SAMD3: variants seen among roughly 807,000 people sequenced by gnomAD.
SAMD3 encodes sterile alpha motif domain-containing protein 3.
SAMD3 carries 63 observed loss-of-function variants against 58.5 expected under a neutral mutation model. The observed-to-expected ratio is 1.08, with a 90% CI of 0.88 to 1.33. The LOEUF (loss-of-function observed/expected upper bound fraction) is 1.33, where lower values mean the gene tolerates loss of function less well. SAMD3 is among the 40% of genes most tolerant of loss of function. The pLI is 0.00. For missense variants in SAMD3, 604 were observed against 608.4 expected, an observed-to-expected ratio of 0.99 and a Z score of 0.08; for synonymous variants, 220 against 210.3, an observed-to-expected ratio of 1.05 and a Z score of -0.40.
chr6:130,209,769 C>T (rs991278720), intron 4 of SAMD3, among the ~76,000 whole-genome samples, 161 bp from the exon 5 acceptor site: 2 of 152,174 alleles, frequency 1.3e-5, no homozygotes, highest in African/African-American at 4.8e-5. Flanking sequence ...AAAGAAGGCC[C>T]CTCTGGCGTC....
intron 8 of SAMD3, among the ~76,000 whole-genome samples, chr6:130,172,585 T>C (rs1358047269): frequency 1.3e-5 from 2 of 152,248 alleles, no homozygotes; most frequent in Admixed American, 6.5e-5. Flanking sequence ...GCTGTTAGTC[T>C]AATGGGCTTC....
At chr6:130,155,307 C>T (rs1789681921) in intron 8 of SAMD3, among the ~76,000 whole-genome samples, 1 of 152,144 alleles carries the variant, frequency 6.6e-6, no homozygotes, top group Admixed American at 6.5e-5. Flanking sequence ...CCAGAAGGTT[C>T]CCACTGAATC....
chr6:130,351,939 C>G (rs1279250788), intron 1 of SAMD3, among the ~76,000 whole-genome samples: 1 of 151,984 alleles, frequency 6.6e-6, no homozygotes, highest in Non-Finnish European at 1.5e-5. Context: ...TGGAAACCAT[C>G]ATTCTCAGCA....
intron 2 of SAMD3, among the ~76,000 whole-genome samples, chr6:130,271,520 T>A (rs1443302613): frequency 2.0e-5 from 3 of 152,238 alleles, no homozygotes; most frequent in Non-Finnish European, 4.4e-5. Flanking sequence ...TTTTTTAAAT[T>A]GTTGATTTGT....
intron 3 of SAMD3, among the ~76,000 whole-genome samples, 186 bp from the exon 4 acceptor site, chr6:130,214,712 C>T (rs1345515447): frequency 6.6e-6 from 1 of 152,056 alleles, no homozygotes; most frequent in African/African-American, 2.4e-5. Flanking sequence ...AATGCCTGCT[C>T]CTAAGAAAGT....
chr6:130,174,150 C>A (rs995562056), intron 8 of SAMD3, among the ~76,000 whole-genome samples: 17 of 152,204 alleles, frequency 1.1e-4, no homozygotes, highest in Admixed American at 6.5e-5. Flanking sequence ...GACCACTTGG[C>A]TCCCTGGCTT....
Position 130,194,807 on chromosome 6 carries a change from A to G in SAMD3, c.384-10184T>C, listed in dbSNP as rs1278137117. Among the ~76,000 whole-genome samples, 6 of 152,200 alleles carry G rather than the reference A, an allele frequency of 3.9e-5. No individual in the cohort carries two copies. The East Asian group carries it at 5.8e-4, about 15-fold the overall frequency. The stretch of plus-strand genomic sequence containing the variant: ...CCTTCCCAGATCTTCTCGGCTTAGC[A>G]GCTGAAGACTGACACTGCCTGATCA... On this transcript the variant is annotated intron_variant, in intron 5 of 11. Transcript: ENST00000439090.
At chr6:130,298,881 C>G (rs950151201) in intron 2 of SAMD3, among the ~76,000 whole-genome samples, 1 of 152,074 alleles carries the variant, frequency 6.6e-6, no homozygotes, top group Non-Finnish European at 1.5e-5. Flanking sequence ...AGAAAAGAGA[C>G]AGAAGGGCAT....
At chr6:130,195,687 G>A (rs1794040236) in intron 5 of SAMD3, among the ~76,000 whole-genome samples, 1 of 152,044 alleles carries the variant, frequency 6.6e-6, no homozygotes, top group Non-Finnish European at 1.5e-5. Context: ...CAAATTACCT[G>A]GGCTGTACTG....
At chr6:130,204,529 G>A (rs191013191) in intron 5 of SAMD3, among the ~76,000 whole-genome samples, 80 of 151,702 alleles carry the variant, frequency 5.3e-4, no homozygotes, top group African/African-American at 1.8e-3. Context: ...CCTGGGAAGT[G>A]GAGATTGCAA....
chr6:130,190,018 T>G (rs1420946186), intron 5 of SAMD3, among the ~76,000 whole-genome samples: 1 of 152,178 alleles, frequency 6.6e-6, no homozygotes, highest in Non-Finnish European at 1.5e-5. Context: ...CAACCCATTA[T>G]GTGGAAAAGG....
At chr6:130,363,928 T>G (rs1778057668) in intron 1 of SAMD3, among the ~76,000 whole-genome samples, 2 of 152,214 alleles carry the variant, frequency 1.3e-5, no homozygotes, top group African/African-American at 4.8e-5. Flanking sequence ...CATGGTATAT[T>G]CACTGTCAGA....
intron 8 of SAMD3, among the ~76,000 whole-genome samples, chr6:130,165,701 A>G (rs1790679003): frequency 6.6e-6 from 1 of 152,144 alleles, no homozygotes; most frequent in Non-Finnish European, 1.5e-5. Flanking sequence ...AAAGTTTATG[A>G]TAATAGGTTG....
intron 2 of SAMD3, among the ~76,000 whole-genome samples, chr6:130,228,368 C>T (rs1174653395): frequency 6.6e-6 from 1 of 152,086 alleles, no homozygotes; most frequent in Non-Finnish European, 1.5e-5. Context: ...TTCTGCATGC[C>T]ATGATGAACC....
intron 2 of SAMD3, among the ~76,000 whole-genome samples, chr6:130,269,060 C>G (rs1041548337): frequency 3.3e-5 from 5 of 152,120 alleles, no homozygotes; most frequent in African/African-American, 1.2e-4. Flanking sequence ...AAGTTTTACT[C>G]CTTTTCTTAT....
At chr6:130,325,145 A>G (rs71572919) in intron 1 of SAMD3, among the ~76,000 whole-genome samples, 1,744 of 152,300 alleles carry the variant, frequency 0.011, 15 homozygotes, top group Non-Finnish European at 0.02. Flanking sequence ...ATTTATGTAT[A>G]TGTAGTATGT....
chr6:130,150,653 C>T (rs1159200034), intron 9 of SAMD3, among the ~76,000 whole-genome samples: 1 of 151,514 alleles, frequency 6.6e-6, no homozygotes, highest in African/African-American at 2.4e-5. Context: ...GCATTGTTTT[C>T]TGGAGTCTCA....
intron 5 of SAMD3, among the ~76,000 whole-genome samples, chr6:130,196,326 T>C (rs1794105790): frequency 6.6e-6 from 1 of 152,202 alleles, no homozygotes; most frequent in Non-Finnish European, 1.5e-5. Flanking sequence ...TCAGCTGTAC[T>C]CACTCTTTGT....
chr6:130,168,443 AAAAAC>A (rs1790923082), intron 8 of SAMD3, among the ~76,000 whole-genome samples: 2 of 152,172 alleles, frequency 1.3e-5, no homozygotes, highest in South Asian at 4.1e-4. Context: ...AAAAAAAACA[AAAAAC>A]AAACAAACAA....
Sources: gnomAD v4.1 joint callset for allele counts (sites outside exome capture counted in the v4.1 genomes callset) on GRCh38, gnomAD v4.1.1 for gene constraint, MANE v1.5 for transcripts, NCBI Gene and HGNC (gene_info 2026-07-23, HGNC 2026-07-21) for gene names.